CDH2: variants seen among roughly 807,000 people sequenced by gnomAD.
CDH2 encodes the protein cadherin 2, also known as cadherin-2.
Under a neutral mutation model 92.0 loss-of-function variants are expected in CDH2, and 17 were observed. The ratio of observed to expected loss-of-function variants is 0.18; its 90% CI spans 0.13 to 0.28. The LOEUF (loss-of-function observed/expected upper bound fraction) is 0.28. CDH2 is among the 10% of genes least tolerant of loss of function. CDH2 has a pLI of 1.00. For missense variants in CDH2, 862 were observed against 1,133.1 expected (o/e 0.76, Z 3.44); for synonymous variants, 419 against 415.9 (o/e 1.01, Z -0.09).
At position 27,968,421 on chromosome 18, in the gene CDH2, G is replaced by C. The variant is rs17493206; in HGVS notation, c.2350-4900C>G. Reference sequence around the variant, plus strand: ...ACATCTGGGGTTTGAAGTGCTGGAGGGGGGAGTTTAAGATGGTTCCACTAA... The same window carrying C: ...ACATCTGGGGTTTGAAGTGCTGGAGCGGGGAGTTTAAGATGGTTCCACTAA... On this transcript the variant is annotated intron_variant, in intron 14 of 15. Coordinates refer to ENST00000269141, the MANE Select transcript of CDH2 (RefSeq NM_001792.5). Among the ~76,000 whole-genome samples the C allele has an allele frequency of 3.2e-3, 481 of 152,104 alleles. 5 individuals are homozygous for C. The highest frequency in any genetic ancestry group is 0.01 in the Middle Eastern group (3 of 292).
At chr18:27,977,182 T>C (rs993282720) in intron 14 of CDH2, among the ~76,000 whole-genome samples, 2 of 152,020 alleles carry the variant, frequency 1.3e-5, no homozygotes, top group African/African-American at 4.8e-5. Context: ...AAAGTGTCTG[T>C]TCAACCGCTA....
At chr18:27,942,156 A>G (rs938878769) in intron 6 of CDH2, among the ~76,000 whole-genome samples, 2 of 152,218 alleles carry the variant, frequency 1.3e-5, no homozygotes, top group Non-Finnish European at 2.9e-5. Flanking sequence ...GGAAGGGCAA[A>G]AAGAATATGT....
At chr18:28,086,266 T>C (rs1014198113) in intron 2 of CDH2, among the ~76,000 whole-genome samples, 37 of 152,324 alleles carry the variant, frequency 2.4e-4, no homozygotes, top group African/African-American at 8.2e-4. Context: ...TTTCCAGTGT[T>C]ATAACTACCC....
At chr18:28,088,345 A>G (rs2014974365) in intron 2 of CDH2, among the ~76,000 whole-genome samples, 1 of 152,230 alleles carries the variant, frequency 6.6e-6, no homozygotes, top group South Asian at 2.1e-4. Context: ...CTAATGTGAG[A>G]AATAAAACAT....
intron 1 of CDH2, among the ~76,000 whole-genome samples, chr18:28,148,352 A>G (rs187576650): frequency 6.6e-6 from 1 of 152,376 alleles, no homozygotes; most frequent in East Asian, 1.9e-4. Flanking sequence ...ACAGTGATAC[A>G]TTAAAAATTT....
rs868280602 is a variant in CDH2, at chr18:27,961,993, G to A, written c.2514+1364C>T. Among the ~76,000 whole-genome samples the A allele has an allele frequency of 7.2e-5, 11 of 152,256 alleles. No individual in the cohort carries two copies. The South Asian group carries it at 1.0e-3, about 14-fold the overall frequency. ...GTAAGGTCCAGTTCCTAAACCTACA[G>A]TCAGAAGATTCACTATAACTTGAAT... On this transcript the variant is annotated intron_variant, in intron 15 of 15. Coordinates refer to ENST00000269141, the MANE Select transcript of CDH2 (RefSeq NM_001792.5).
At chr18:28,120,462 A>C (rs1473769193) in intron 2 of CDH2, among the ~76,000 whole-genome samples, 1 of 152,114 alleles carries the variant, frequency 6.6e-6, no homozygotes, top group East Asian at 1.9e-4. Flanking sequence ...TGATATATAA[A>C]ATATATACAT....
rs1909442368 is a variant in CDH2 at position 27,951,429 on chromosome 18, G to T, written c.*724C>A. ...GTTTCTGCACTTCTCCATAGACTAT[G>T]CCAATAAAACATTATGTACACATAC... On this transcript the variant is annotated 3_prime_UTR_variant, in exon 16 of 16. Coordinates refer to ENST00000269141, the MANE Select transcript of CDH2 (RefSeq NM_001792.5). 6.6e-6 allele frequency: 1 copy of T among 152,226 alleles called. No homozygotes were observed. The highest frequency in any genetic ancestry group is 2.4e-5 in the African/African-American group (1 of 41,332). The allele number at this position is 152,226 out of a possible 1,614,324, so 9.4% of individuals were successfully genotyped here. A position where few individuals can be genotyped will look rare whatever the true frequency, so the allele number is the denominator to read the frequency against.
In CDH2 at chr18:28,007,177, T is replaced by A. The variant is rs868833557; in HGVS notation, c.703-1184A>T. The stretch of plus-strand genomic sequence containing the variant: ...TCCATAAAAAAAAAATATATATATA[T>A]ATATATATATATATATACGAGTATA... On this transcript the variant is annotated intron_variant, in intron 5 of 15. Coordinates refer to ENST00000269141, the MANE Select transcript of CDH2 (RefSeq NM_001792.5). 1.7e-4 allele frequency among the ~76,000 whole-genome samples: 24 copies of A among 139,176 alleles called. 1 individual carries two copies. Among genetic ancestry groups the A allele is most frequent in the African/African-American group, 6.4e-4 (23 of 36,050 alleles). The allele number at this position is 139,176 out of a possible 152,430, so 91.3% of individuals were successfully genotyped here. A position where few individuals can be genotyped will look rare whatever the true frequency, so the allele number is the denominator to read the frequency against.
At chr18:28,053,471 A>G (rs2014232118) in intron 2 of CDH2, among the ~76,000 whole-genome samples, 1 of 152,176 alleles carries the variant, frequency 6.6e-6, no homozygotes, top group Non-Finnish European at 1.5e-5. Flanking sequence ...CCAAACCAAG[A>G]TGGGGTTATT....
intron 2 of CDH2, among the ~76,000 whole-genome samples, chr18:28,068,137 G>T (rs985063533): frequency 6.6e-6 from 1 of 152,144 alleles, no homozygotes; most frequent in Admixed American, 6.5e-5. Flanking sequence ...CGAAACACAA[G>T]GGAGGATCCC....
At chr18:28,114,235 C>T (rs1471937435) in intron 2 of CDH2, among the ~76,000 whole-genome samples, 6 of 152,060 alleles carry the variant, frequency 3.9e-5, no homozygotes, top group East Asian at 3.9e-4. Flanking sequence ...AATGTTTGTG[C>T]GTGCTAATGA....
intron 6 of CDH2, among the ~76,000 whole-genome samples, chr18:28,005,074 C>G (rs1292203955): frequency 1.3e-5 from 2 of 152,190 alleles, no homozygotes; most frequent in Non-Finnish European, 2.9e-5. Context: ...CACGCCATCT[C>G]AGGAAGCCTG....
chr18:28,133,152 C>T (rs573328891), intron 2 of CDH2, among the ~76,000 whole-genome samples: 2 of 152,104 alleles, frequency 1.3e-5, no homozygotes, highest in Admixed American at 6.5e-5. Context: ...AAAAAGAACA[C>T]GAGAGGAAAT....
intron 2 of CDH2, among the ~76,000 whole-genome samples, chr18:28,140,480 T>C (rs1410137088): frequency 1.3e-5 from 2 of 151,938 alleles, no homozygotes; most frequent in Non-Finnish European, 2.9e-5. Context: ...GATTAGGTCA[T>C]GATGGCTCTG....
chr18:28,052,153 T>G (rs2014204829), intron 2 of CDH2, among the ~76,000 whole-genome samples: 1 of 152,164 alleles, frequency 6.6e-6, no homozygotes, highest in Non-Finnish European at 1.5e-5. Flanking sequence ...ATTCTTTGTA[T>G]TTCCCAGCTC....
At chr18:28,045,739 T>C (rs1599059598) in intron 2 of CDH2, 1 of 169,212 alleles carries the variant, frequency 5.9e-6, no homozygotes, top group South Asian at 1.3e-4. Context: ...GAATTTCACA[T>C]GCCTGTTTAC....
At chr18:28,144,574 GA>G (rs1424848125) in intron 2 of CDH2, among the ~76,000 whole-genome samples, 3 of 151,766 alleles carry the variant, frequency 2.0e-5, no homozygotes, top group Admixed American at 6.6e-5. Context: ...AATCCCTAAA[GA>G]AAAATCAAAG....
chr18:28,103,338 T>C (rs1231640204), intron 2 of CDH2, among the ~76,000 whole-genome samples: 2 of 88,210 alleles, frequency 2.3e-5, no homozygotes, highest in Non-Finnish European at 3.1e-5. Context: ...AACTCCTTTA[T>C]ATATATAAAG....
Sources: allele counts gnomAD v4.1 joint callset (sites outside exome capture counted in the v4.1 genomes callset), GRCh38; gene constraint gnomAD v4.1.1; transcripts MANE v1.5; gene names NCBI Gene and HGNC (gene_info 2026-07-23, HGNC 2026-07-21).